The following CPNE4 variants were observed in gnomAD, a reference collection of about 807,000 sequenced individuals.
CPNE4 encodes copine 4.
In CPNE4, 25 loss-of-function variants were observed where a neutral mutation model predicts 67.9. That is an observed-to-expected ratio of 0.37 (90% CI 0.27 to 0.51). The LOEUF is 0.51. CPNE4 is among the 20% of genes least tolerant of loss of function. The pLI, the probability that CPNE4 is intolerant of heterozygous loss-of-function variation, is 0.93. For missense variants in CPNE4, 464 were observed against 690.8 expected (o/e 0.67, Z 3.68); for synonymous variants, 242 against 244.9 (o/e 0.99, Z 0.11).
rs565537202 is a variant in CPNE4 at position 131,994,894 on chromosome 3, C to T, written c.-2+39673G>A. ...ACTTTTTTCCTTTTAGAGACAGGGT[C>T]TTGAATCCTTGCTATGCCAAACAAT... On this transcript the variant is annotated intron_variant, in intron 1 of 15. Transcript: ENST00000429747. 2.6e-5 allele frequency among the ~76,000 whole-genome samples: 4 copies of T among 152,268 alleles called. No individual in the cohort carries two copies. The East Asian group carries it at 7.7e-4, about 29-fold the overall frequency.
chr3:132,006,365 T>C (rs2073606136), intron 1 of CPNE4, among the ~76,000 whole-genome samples: 2 of 152,076 alleles, frequency 1.3e-5, no homozygotes, highest in Admixed American at 6.6e-5. Flanking sequence ...AAATCAAGCA[T>C]ATAACTTGAA....
At chr3:131,726,513 T>C (rs1277474099) in intron 2 of CPNE4, among the ~76,000 whole-genome samples, 1 of 152,142 alleles carries the variant, frequency 6.6e-6, no homozygotes, top group African/African-American at 2.4e-5. Flanking sequence ...CAATAATAAA[T>C]GCATATTTGA....
intron 1 of CPNE4, among the ~76,000 whole-genome samples, chr3:131,918,692 A>G (rs993772479): frequency 7.2e-5 from 11 of 152,168 alleles, no homozygotes; most frequent in African/African-American, 2.7e-4. Context: ...AAAAGGAACA[A>G]TGGTAGACTT....
chr3:131,587,589 G>T lies in CPNE4; in HGVS notation c.682-7C>A, dbSNP rs771740349. Reference sequence around the variant, plus strand: ...CCCAGTCCCATACTATGCACTGTAAGAGAAAACAATGATCTTTCTTAAAAA... The same window carrying T: ...CCCAGTCCCATACTATGCACTGTAATAGAAAACAATGATCTTTCTTAAAAA... On this transcript the variant is annotated splice_polypyrimidine_tract_variant and splice_region_variant and intron_variant, in intron 7 of 15. Transcript: ENST00000429747. The T allele has an allele frequency of 1.9e-5, 30 of 1,591,304 alleles. No individual in the cohort carries two copies. The South Asian group carries it at 3.2e-4, about 17-fold the overall frequency.
At chr3:131,906,402 C>T (rs1305803067) in intron 1 of CPNE4, among the ~76,000 whole-genome samples, 5 of 123,516 alleles carry the variant, frequency 4.0e-5, no homozygotes, top group South Asian at 3.7e-4. Flanking sequence ...ATCCCTCCCC[C>T]CCTCCCCCCA....
chr3:131,542,818 T>TG lies in CPNE4; in HGVS notation c.1303-26dup, dbSNP rs10716194. The TG allele has an allele frequency of 3.6e-6, 5 of 1,381,988 alleles. No homozygotes were observed. In the East Asian group the frequency reaches 6.9e-5, roughly 19 times the overall value. 85.6% of individuals were successfully genotyped at this position (1,381,988 alleles called of 1,614,324 possible). On this transcript the variant is annotated intron_variant, in intron 14 of 15. Transcript: ENST00000429747. ...GCTGCAGTCAGATGCCCCATGATGA[T>TG]GGGGGGGGGTGAAGAGGTGAGGGAG...
chr3:131,753,593 G>A (rs943946000), intron 2 of CPNE4, among the ~76,000 whole-genome samples: 1 of 152,028 alleles, frequency 6.6e-6, no homozygotes, highest in Non-Finnish European at 1.5e-5. Flanking sequence ...AAAGATGAAC[G>A]ATATAGCAGA....
chr3:131,922,705 T>A (rs1339109562), intron 1 of CPNE4, among the ~76,000 whole-genome samples: 1 of 152,224 alleles, frequency 6.6e-6, no homozygotes, highest in Non-Finnish European at 1.5e-5. Flanking sequence ...AACTTCTCTG[T>A]TCCTCTGTTT....
chr3:131,691,422 G>A, intron 5 of CPNE4, among the ~76,000 whole-genome samples: 1 of 152,146 alleles, frequency 6.6e-6, no homozygotes, highest in East Asian at 1.9e-4. Context: ...TGAAGGCCAT[G>A]ATCCTAAGGG....
intron 1 of CPNE4, among the ~76,000 whole-genome samples, chr3:131,934,555 A>G (rs2071165437): frequency 1.3e-5 from 2 of 151,672 alleles, no homozygotes; most frequent in African/African-American, 4.8e-5. Flanking sequence ...TAATGCTATC[A>G]CTCCTGTAGC....
rs551705016 is a variant in CPNE4 at position 131,896,272 on chromosome 3, T to C, written c.180+8992A>G. Among the ~76,000 whole-genome samples the C allele has an allele frequency of 7.2e-5, 11 of 152,156 alleles. No individual in the cohort carries two copies. In the South Asian group the frequency reaches 2.3e-3, roughly 32 times the overall value. Reference sequence around the variant, plus strand: ...ATATATATACACATATATTCTTTATTATGAAATGATAAAAAGGGCAGCATA... The same window carrying C: ...ATATATATACACATATATTCTTTATCATGAAATGATAAAAAGGGCAGCATA... On this transcript the variant is annotated intron_variant, in intron 2 of 15. Transcript: ENST00000429747.
intron 3 of CPNE4, among the ~76,000 whole-genome samples, chr3:131,701,667 A>T (rs2081305667): frequency 6.6e-6 from 1 of 152,158 alleles, no homozygotes; most frequent in Non-Finnish European, 1.5e-5. Context: ...CTGGAAGAAG[A>T]TTCTCCTCTA....
intron 2 of CPNE4, among the ~76,000 whole-genome samples, chr3:131,789,715 G>A (rs1378434338): frequency 6.6e-6 from 1 of 152,130 alleles, no homozygotes; most frequent in Non-Finnish European, 1.5e-5. Flanking sequence ...GTGCCTACTA[G>A]GCTAAGTCCT....
chr3:131,905,400 A>G lies in CPNE4; in HGVS notation c.44T>C (p.Leu15Pro), dbSNP rs754854706. The G allele has an allele frequency of 6.2e-7, 1 of 1,613,354 alleles. No individual in the cohort carries two copies. The highest frequency in any genetic ancestry group is 1.3e-5 in the African/African-American group (1 of 74,878). The change falls in exon 2 of 16, where the codon CTG becomes CCG. Residue 15 changes from leucine (L) to proline (P), a missense_variant. By Grantham distance (98) the Leu-to-Pro change is moderately conservative. Transcript: ENST00000429747. ...SNIYESAANT[L>P]GIFNSPCLTK... is the part of the protein sequence containing the mutation. ...CAGGCAGGGGCTGTTAAAGATTCCC[A>G]GTGTGTTGGCAGCGGACTCATAAAT...
chr3:131,921,723 G>C (rs1004591142), intron 1 of CPNE4, among the ~76,000 whole-genome samples: 5 of 152,094 alleles, frequency 3.3e-5, no homozygotes, highest in African/African-American at 9.7e-5. Context: ...CAGATATAGA[G>C]CATAGAGTAA....
intron 2 of CPNE4, 69 bp from the exon 3 acceptor site, chr3:131,723,694 A>T: frequency 7.3e-7 from 1 of 1,372,508 alleles, no homozygotes; most frequent in Non-Finnish European, 1.0e-6. Flanking sequence ...AAGAAAATTC[A>T]TCTCAGAGCA....
chr3:131,974,679 C>A (rs992374873), intron 1 of CPNE4, among the ~76,000 whole-genome samples: 4 of 152,174 alleles, frequency 2.6e-5, no homozygotes, highest in African/African-American at 9.7e-5. Context: ...CCCATTGTTT[C>A]TCTTGCCACC....
chr3:132,026,063 T>C (rs2107695984), intron 1 of CPNE4, among the ~76,000 whole-genome samples: 1 of 152,348 alleles, frequency 6.6e-6, no homozygotes, highest in East Asian at 1.9e-4. Flanking sequence ...ACTTCATATA[T>C]CAATTTGGAT....
At chr3:131,659,127 A>G (rs1236418581) in intron 7 of CPNE4, among the ~76,000 whole-genome samples, 1 of 152,252 alleles carries the variant, frequency 6.6e-6, no homozygotes, top group Non-Finnish European at 1.5e-5. Flanking sequence ...AGTATCTCAT[A>G]TTAAAAATAT....
Sources: allele counts gnomAD v4.1 joint callset (sites outside exome capture counted in the v4.1 genomes callset), GRCh38; gene constraint gnomAD v4.1.1; transcripts MANE v1.5; gene names NCBI Gene and HGNC (gene_info 2026-07-23, HGNC 2026-07-21).